AP3B2: variants seen among roughly 807,000 people sequenced by gnomAD.
AP3B2 encodes the protein adaptor related protein complex 3 subunit beta 2, also known as AP-3 complex subunit beta-2.
Under a neutral mutation model 126.9 loss-of-function variants are expected in AP3B2, and 50 were observed. The ratio of observed to expected loss-of-function variants is 0.39; its 90% CI spans 0.31 to 0.50. The LOEUF is 0.50. AP3B2 is among the 20% of genes least tolerant of loss of function. The pLI is 0.79. For synonymous variants in AP3B2, 541 were observed against 565.0 expected, an observed-to-expected ratio of 0.96 and a Z score of 0.60; for missense variants, 1,177 against 1,426.4, an observed-to-expected ratio of 0.83 and a Z score of 2.82.
At chr15:82,678,313 T>C in intron 10 of AP3B2, 146 bp from the exon 11 acceptor site, 1 of 850,432 alleles carries the variant, frequency 1.2e-6, no homozygotes. Context: ...ATTGACAGGT[T>C]ATGAAACTTG....
chr15:82,675,397 G>A (rs1029328319), intron 14 of AP3B2, among the ~76,000 whole-genome samples: 1 of 152,078 alleles, frequency 6.6e-6, no homozygotes, highest in African/African-American at 2.4e-5. Flanking sequence ...TGAGCCTCTG[G>A]GGCTCACTCT....
rs2048857420 is a variant in AP3B2 at position 82,709,860 on chromosome 15, T to TGCGCGCGGATTTCTCAATCAGGGCC, written c.-155_-154insGGCCCTGATTGAGAAATCCGCGCGC. 1.9e-6 allele frequency: 1 copy of TGCGCGCGGATTTCTCAATCAGGGCC among 518,492 alleles called. No individual in the cohort carries two copies. The highest frequency in any genetic ancestry group is 3.6e-5 in the East Asian group (1 of 27,852). 32.1% of individuals were successfully genotyped at this position (518,492 alleles called of 1,614,324 possible). ...GGCTGCAGTGTGCAGCGGCGGAGGCTGCGCGCGGATTTCTCAATCAGGGCC... is the reference window on the plus strand; with the variant it reads ...GGCTGCAGTGTGCAGCGGCGGAGGCTGCGCGCGGATTTCTCAATCAGGGCCGCGCGCGGATTTCTCAATCAGGGCC... On this transcript the variant is annotated 5_prime_UTR_variant, in exon 1 of 27. Coordinates refer to ENST00000535359, the MANE Select transcript of AP3B2 (RefSeq NM_001278512.2).
chr15:82,695,765 C>G (rs2048621187), intron 1 of AP3B2, among the ~76,000 whole-genome samples: 1 of 152,168 alleles, frequency 6.6e-6, no homozygotes, highest in African/African-American at 2.4e-5. Context: ...TGATTTATAG[C>G]CAGTTGGTCA....
rs2048322571 is a variant in AP3B2 at position 82,680,658 on chromosome 15, G to A, written c.869C>T (p.Ala290Val). ...CATGACATAGGGCTTTCGGGAGGGGGCGGCCGCGGCGGCCGTCTCCTCAGA... is the reference window on the plus strand; with the variant it reads ...CATGACATAGGGCTTTCGGGAGGGGACGGCCGCGGCGGCCGTCTCCTCAGA... ...AGSEETAAAAAPSRKPYVMDP... is the reference protein window; with the variant it reads ...AGSEETAAAAVPSRKPYVMDP... The change falls in exon 8 of 27, where the codon GCC becomes GTC. Residue 290 changes from alanine to valine, a missense_variant. This residue lies in a region of AP3B2 where 103 missense variants were observed against 101.4 expected (regional missense o/e 1.02). Coordinates refer to ENST00000535359, the MANE Select transcript of AP3B2 (RefSeq NM_001278512.2). The surrounding 1 kb of genome is among the most constrained non-coding windows in gnomAD (Gnocchi z 6.1). The A allele has an allele frequency of 1.9e-6, 3 of 1,580,014 alleles. No individual in the cohort carries two copies. The highest frequency in any genetic ancestry group is 1.3e-5 in the African/African-American group (1 of 74,192).
At chr15:82,709,550 C>A in intron 1 of AP3B2, 44 bp downstream of exon 1, 16 of 1,399,286 alleles carry the variant, frequency 1.1e-5, no homozygotes, top group Non-Finnish European at 1.5e-5. Flanking sequence ...TCGCCCGGTC[C>A]CCGGCCCCAA....
rs115546544 is a variant in AP3B2 at position 82,675,060 on chromosome 15, C to T, written c.1665+1401G>A. ...TTTTCAAACATTCCTCCCACTTGCT[C>T]CTTCCTCCCACCTGAACAAAGGAAG... On this transcript the variant is annotated intron_variant, in intron 14 of 26. Transcript: ENST00000535359. Among the ~76,000 whole-genome samples the T allele has an allele frequency of 4.5e-3, 690 of 152,282 alleles. 6 individuals are homozygous for T. The highest frequency in any genetic ancestry group is 0.016 in the African/African-American group (658 of 41,550).
At chr15:82,709,448 G>C (rs1463951824) in intron 1 of AP3B2, 146 bp downstream of exon 1, 8 of 345,020 alleles carry the variant, frequency 2.3e-5, no homozygotes, top group Admixed American at 1.3e-4. Flanking sequence ...CGGGGCTCCA[G>C]GCCGCAGGAG....
chr15:82,701,339 A>T (rs2048716951), intron 1 of AP3B2, among the ~76,000 whole-genome samples: 1 of 152,126 alleles, frequency 6.6e-6, no homozygotes, highest in African/African-American at 2.4e-5. Flanking sequence ...CCTTCCCATC[A>T]GCAGTTAAAC....
In AP3B2 at chr15:82,659,447, C is replaced by T. The variant is rs2047896430; in HGVS notation, c.*113G>A. The T allele has an allele frequency of 6.4e-6, 9 of 1,408,716 alleles. No individual in the cohort carries two copies. Among genetic ancestry groups the T allele is most frequent in the Non-Finnish European group, 8.8e-6 (9 of 1,026,244 alleles). 87.3% of individuals were successfully genotyped at this position (1,408,716 alleles called of 1,614,324 possible). A position where few individuals can be genotyped will look rare whatever the true frequency, so the allele number is the denominator to read the frequency against. The stretch of plus-strand genomic sequence containing the variant: ...AGAGGGAGAGAGGACACCCTGAATG[C>T]TATCTGGCATGAGGAGGATGATGAG... On this transcript the variant is annotated 3_prime_UTR_variant, in exon 27 of 27. Transcript: ENST00000535359.
Position 82,664,814 on chromosome 15 carries a change from C to G in AP3B2, c.2137+21G>C. The G allele has an allele frequency of 3.9e-6, 6 of 1,532,256 alleles. No homozygotes were observed. Among genetic ancestry groups the G allele is most frequent in the Non-Finnish European group, 5.4e-6 (6 of 1,121,148 alleles). 94.9% of individuals were successfully genotyped at this position (1,532,256 alleles called of 1,614,324 possible). A position where few individuals can be genotyped will look rare whatever the true frequency, so the allele number is the denominator to read the frequency against. ...ATGCATGGGCAGAGCACAGAGGACCCCAGCTCTGCCATCTGCTCACCACTG... is the reference window on the plus strand; with the variant it reads ...ATGCATGGGCAGAGCACAGAGGACCGCAGCTCTGCCATCTGCTCACCACTG... On this transcript the variant is annotated intron_variant, in intron 18 of 26. Transcript: ENST00000535359. The surrounding 1 kb of genome is among the most constrained non-coding windows in gnomAD (Gnocchi z 4.5).
intron 1 of AP3B2, among the ~76,000 whole-genome samples, chr15:82,708,485 C>G (rs543608109): frequency 6.6e-6 from 1 of 152,206 alleles, no homozygotes; most frequent in African/African-American, 2.4e-5. Context: ...ACCTCTTCCA[C>G]AGCCTCAAAT....
intron 1 of AP3B2, among the ~76,000 whole-genome samples, chr15:82,690,810 C>T (rs2048517659): frequency 6.6e-6 from 1 of 151,892 alleles, no homozygotes; most frequent in African/African-American, 2.4e-5. Flanking sequence ...CCCGCCACCA[C>T]CACGCCCAGC....
intron 15 of AP3B2, 73 bp downstream of exon 15, chr15:82,666,674 A>T (rs1446899862): frequency 2.7e-6 from 4 of 1,499,646 alleles, no homozygotes; most frequent in Middle Eastern, 1.9e-4. Context: ...GGCCTCAGGA[A>T]GGTCTGGGGC....
In AP3B2 at chr15:82,680,544, T is replaced by G; in HGVS notation, c.983A>C (p.Tyr328Ser). The change falls in exon 8 of 27, where the codon TAC becomes TCC. Residue 328 changes from tyrosine to serine, a missense_variant. This residue lies in a region of AP3B2 where 308 missense variants were observed against 452.4 expected (regional missense o/e 0.68). Coordinates refer to ENST00000535359, the MANE Select transcript of AP3B2 (RefSeq NM_001278512.2). The surrounding 1 kb of genome is among the most constrained non-coding windows in gnomAD (Gnocchi z 6.1). ...TTCCGCCTTGGGCGCCAGGTGGAAG[T>G]AGAGCTGCGCCACCGCCATCACCAC... ...AAVVMAVAQL[Y>S]FHLAPKAEVG... The G allele has an allele frequency of 6.4e-7, 1 of 1,561,540 alleles. No individual in the cohort carries two copies. Among genetic ancestry groups the G allele is most frequent in the East Asian group, 2.4e-5 (1 of 42,518 alleles).
At chr15:82,695,056 CTTT>C (rs1448519753) in intron 1 of AP3B2, among the ~76,000 whole-genome samples, 4 of 148,790 alleles carry the variant, frequency 2.7e-5, no homozygotes, top group African/African-American at 9.9e-5. Context: ...ATAGAAGCAT[CTTT>C]TGTTATCAGA....
chr15:82,707,764 G>A lies in AP3B2; in HGVS notation c.113+1830C>T, dbSNP rs776595058. On this transcript the variant is annotated intron_variant, in intron 1 of 26. Coordinates refer to ENST00000535359, the MANE Select transcript of AP3B2 (RefSeq NM_001278512.2). ...TTAGTTTTTCAATTCATACAAAACC[G>A]TATCCAGGCCATCACCAATAATCCT... Among the ~76,000 whole-genome samples, 64 of 151,858 alleles carry A rather than the reference G, an allele frequency of 4.2e-4. 1 individual carries two copies. Among genetic ancestry groups the A allele is most frequent in the Non-Finnish European group, 5.1e-4 (35 of 67,994 alleles).
chr15:82,705,520 C>T (rs960447293), intron 1 of AP3B2, among the ~76,000 whole-genome samples: 1 of 152,172 alleles, frequency 6.6e-6, no homozygotes, highest in African/African-American at 2.4e-5. Flanking sequence ...GCTTTCTTTA[C>T]TATTCATTTG....
chr15:82,663,326 C>T (rs2047989184), intron 21 of AP3B2, 93 bp from the exon 22 acceptor site: 1 of 1,112,516 alleles, frequency 9.0e-7, no homozygotes, highest in African/African-American at 1.5e-5. Flanking sequence ...ATTTCAGCAC[C>T]ATGGACAGCG....
At chr15:82,692,410 G>C (rs959267097) in intron 1 of AP3B2, 6 of 459,050 alleles carry the variant, frequency 1.3e-5, no homozygotes, top group African/African-American at 2.1e-5. Context: ...GTCCCCGCGG[G>C]CTCTGAGGCG....
Sources: gnomAD v4.1 joint callset for allele counts (sites outside exome capture counted in the v4.1 genomes callset) on GRCh38, gnomAD v4.1.1 for gene constraint, gnomAD v4.1.1 regional missense constraint, Gnocchi (gnomAD v3.1) non-coding constraint, MANE v1.5 for transcripts, NCBI Gene and HGNC (gene_info 2026-07-23, HGNC 2026-07-21) for gene names.